XYLT1: variants seen among roughly 807,000 people sequenced by gnomAD.
XYLT1 encodes the protein xylosyltransferase 1, also known as beta-D-xylosyltransferase 1.
Under a neutral mutation model 91.3 loss-of-function variants are expected in XYLT1, and 36 were observed. The ratio of observed to expected loss-of-function variants is 0.39; its 90% CI spans 0.30 to 0.52. The LOEUF is 0.52. Among genes scored for constraint, XYLT1 ranks in the 20% least tolerant of loss-of-function variants. The pLI is 0.68. For synonymous variants in XYLT1, 588 were observed against 532.0 expected, an observed-to-expected ratio of 1.11 and a Z score of -1.45; for missense variants, 1,242 against 1,284.5, an observed-to-expected ratio of 0.97 and a Z score of 0.51.
At chr16:17,318,972 G>C (rs1310690465) in intron 2 of XYLT1, among the ~76,000 whole-genome samples, 1 of 152,002 alleles carries the variant, frequency 6.6e-6, no homozygotes. Context: ...ATTTTTAGTA[G>C]AGACAGGGTT....
At chr16:17,420,090 G>C (rs2036233037) in intron 1 of XYLT1, among the ~76,000 whole-genome samples, 1 of 151,984 alleles carries the variant, frequency 6.6e-6, no homozygotes, top group Non-Finnish European at 1.5e-5. Context: ...TTTTGTCTTT[G>C]TAGGATCAAG....
At chr16:17,288,942 C>A (rs888465846) in intron 2 of XYLT1, among the ~76,000 whole-genome samples, 2 of 152,112 alleles carry the variant, frequency 1.3e-5, no homozygotes, top group Non-Finnish European at 2.9e-5. Context: ...CCCAAGAATA[C>A]AATAAATAGA....
intron 3 of XYLT1, among the ~76,000 whole-genome samples, chr16:17,233,506 G>A (rs936320653): frequency 5.3e-5 from 8 of 152,234 alleles, no homozygotes; most frequent in African/African-American, 7.2e-5. Context: ...CATACTAAGC[G>A]GCCTGCAGAC....
chr16:17,286,070 T>C (rs2034136961), intron 2 of XYLT1, among the ~76,000 whole-genome samples: 1 of 152,188 alleles, frequency 6.6e-6, no homozygotes, highest in South Asian at 2.1e-4. Context: ...CTAACTTTCA[T>C]GATCTTCTCT....
rs528810398 is a variant in XYLT1, at chr16:17,371,705, G to A, written c.364-13655C>T. ...AAGGAAGGACCTCATGTGGTGGCAG[G>A]TGCAGCATATTTTACTGCAACCTTT... On this transcript the variant is annotated intron_variant, in intron 1 of 11. Coordinates refer to ENST00000261381, the MANE Select transcript of XYLT1 (RefSeq NM_022166.4). 6.6e-5 allele frequency among the ~76,000 whole-genome samples: 10 copies of A among 152,312 alleles called. No individual in the cohort carries two copies. The South Asian group carries it at 2.1e-3, about 32-fold the overall frequency.
intron 10 of XYLT1, among the ~76,000 whole-genome samples, chr16:17,127,392 G>A (rs1436957010): frequency 1.3e-5 from 2 of 152,168 alleles, no homozygotes; most frequent in African/African-American, 4.8e-5. Flanking sequence ...ACTGACATTG[G>A]TTTAGGAGTC....
intron 3 of XYLT1, among the ~76,000 whole-genome samples, chr16:17,242,897 T>G (rs1031705795): frequency 6.6e-6 from 1 of 152,234 alleles, no homozygotes; most frequent in Non-Finnish European, 1.5e-5. Flanking sequence ...TTATTTCACT[T>G]AGCGTGAAGT....
chr16:17,305,450 C>T (rs2034457415), intron 2 of XYLT1, among the ~76,000 whole-genome samples: 1 of 144,702 alleles, frequency 6.9e-6, no homozygotes, highest in Non-Finnish European at 1.5e-5. Flanking sequence ...GAGTCTCACT[C>T]TGTCACCCAG....
chr16:17,151,362 G>A (rs964949264), intron 6 of XYLT1, among the ~76,000 whole-genome samples: 19 of 152,166 alleles, frequency 1.2e-4, no homozygotes, highest in Non-Finnish European at 1.5e-5. Flanking sequence ...GCAGGTGGAG[G>A]TTGGAGTGAG....
At chr16:17,235,118 G>A (rs2033227052) in intron 3 of XYLT1, among the ~76,000 whole-genome samples, 1 of 151,780 alleles carries the variant, frequency 6.6e-6, no homozygotes, top group Non-Finnish European at 1.5e-5. Flanking sequence ...GTTTTAGTGT[G>A]AAAAGTAGCT....
At chr16:17,316,166 GT>G (rs2034629202) in intron 2 of XYLT1, among the ~76,000 whole-genome samples, 1 of 152,198 alleles carries the variant, frequency 6.6e-6, no homozygotes, top group Admixed American at 6.5e-5. Flanking sequence ...GAACCAAACA[GT>G]GGAATCCACA....
At chr16:17,430,260 A>C (rs2036374406) in intron 1 of XYLT1, among the ~76,000 whole-genome samples, 1 of 152,128 alleles carries the variant, frequency 6.6e-6, no homozygotes, top group Non-Finnish European at 1.5e-5. Context: ...AATGCTCCAG[A>C]ATCTAGAACG....
intron 9 of XYLT1, among the ~76,000 whole-genome samples, chr16:17,130,303 G>GTTGT (rs781759408): frequency 2.0e-5 from 3 of 152,208 alleles, no homozygotes; most frequent in African/African-American, 7.2e-5. Flanking sequence ...TGATTTGGGA[G>GTTGT]TTGTTTGTTT....
chr16:17,221,587 T>G (rs1026372912), intron 3 of XYLT1, among the ~76,000 whole-genome samples: 28 of 152,032 alleles, frequency 1.8e-4, no homozygotes, highest in African/African-American at 1.7e-4. Flanking sequence ...TAAGAATATG[T>G]TTTAAGCAGA....
chr16:17,111,903 G>C (rs535451490), intron 11 of XYLT1, among the ~76,000 whole-genome samples: 3 of 152,308 alleles, frequency 2.0e-5, no homozygotes, highest in South Asian at 2.1e-4. Flanking sequence ...CTAATACAGG[G>C]TAGGGTGGGC....
intron 3 of XYLT1, among the ~76,000 whole-genome samples, chr16:17,229,337 C>A (rs932696577): frequency 3.3e-5 from 5 of 152,154 alleles, no homozygotes; most frequent in Non-Finnish European, 7.3e-5. Context: ...TGCATGTGAC[C>A]CCAGCTGTGG....
At chr16:17,252,404 A>G (rs1330695795) in intron 3 of XYLT1, among the ~76,000 whole-genome samples, 2 of 152,136 alleles carry the variant, frequency 1.3e-5, no homozygotes, top group Non-Finnish European at 1.5e-5. Flanking sequence ...TAGGGGTTCC[A>G]GTTGAATGAC....
At chr16:17,303,570 C>T (rs530437401) in intron 2 of XYLT1, among the ~76,000 whole-genome samples, 2 of 152,310 alleles carry the variant, frequency 1.3e-5, no homozygotes, top group Non-Finnish European at 2.9e-5. Context: ...CATAAGAGGG[C>T]CATTGTGAGG....
In XYLT1 at chr16:17,138,589, G is replaced by GGGGTGGGA. The variant is rs2030856804; in HGVS notation, c.1588-66_1588-59dup. ...TCTCCCAGCCTCCCACAGATGAACTGGGGTGGGAAATGGTGAACCCTTGCT... is the reference window on the plus strand; with the variant it reads ...TCTCCCAGCCTCCCACAGATGAACTGGGGTGGGAGGGTGGGAAATGGTGAACCCTTGCT... On this transcript the variant is annotated intron_variant, in intron 7 of 11. Coordinates refer to ENST00000261381, the MANE Select transcript of XYLT1 (RefSeq NM_022166.4). 3 of 1,580,820 alleles carry GGGGTGGGA rather than the reference G, an allele frequency of 1.9e-6. No homozygotes were observed. The South Asian group carries it at 3.4e-5, about 18-fold the overall frequency.
Sources: allele counts gnomAD v4.1 joint callset (sites outside exome capture counted in the v4.1 genomes callset), GRCh38; gene constraint gnomAD v4.1.1; transcripts MANE v1.5; gene names NCBI Gene and HGNC (gene_info 2026-07-23, HGNC 2026-07-21).